The following IGDCC3 variants were observed in gnomAD, a reference collection of about 807,000 sequenced individuals.
The protein encoded by IGDCC3 is immunoglobulin superfamily DCC subclass member 3.
Under a neutral mutation model 72.0 loss-of-function variants are expected in IGDCC3, and 47 were observed. The observed-to-expected ratio is 0.65, with a 90% CI of 0.52 to 0.83. IGDCC3 has a LOEUF of 0.83. Ranked by LOEUF, IGDCC3 falls within the 40% of genes least tolerant of loss-of-function variation. The pLI is 0.00. For synonymous variants in IGDCC3, 477 were observed against 472.8 expected (o/e 1.01, Z -0.11); for missense variants, 1,038 against 1,091.3 (o/e 0.95, Z 0.69).
intron 2 of IGDCC3, among the ~76,000 whole-genome samples, chr15:65,370,875 C>T (rs893969821): frequency 3.3e-5 from 5 of 152,270 alleles, no homozygotes; most frequent in Non-Finnish European, 4.4e-5. Flanking sequence ...CCTCCTGCCT[C>T]AGCCTCTCAA....
intron 2 of IGDCC3, among the ~76,000 whole-genome samples, chr15:65,358,400 G>A (rs923329295): frequency 4.6e-5 from 7 of 151,996 alleles, no homozygotes; most frequent in South Asian, 2.1e-4. Context: ...GACACTGCAC[G>A]GAGCCCCAAA....
chr15:65,377,610 TCG>T lies in IGDCC3; in HGVS notation c.103+74_103+75del. The T allele has an allele frequency of 7.7e-7, 1 of 1,300,006 alleles. No individual in the cohort carries two copies. Among genetic ancestry groups the T allele is most frequent in the Non-Finnish European group, 9.8e-7 (1 of 1,022,132 alleles). The allele number at this position is 1,300,006 out of a possible 1,614,324, so 80.5% of individuals were successfully genotyped here. ...GCGCCGCTCTCCCCGGGTCCGCCCC[TCG>T]CGCCCGCTCCCTCCCTGCTCGCCCT... On this transcript the variant is annotated intron_variant, in intron 1 of 13. Coordinates refer to ENST00000327987, the MANE Select transcript of IGDCC3 (RefSeq NM_004884.4). This position sits in a 1 kb window ranked among gnomAD's most constrained non-coding sequence, Gnocchi z 4.9.
chr15:65,360,854 C>A (rs2091255651), intron 2 of IGDCC3, among the ~76,000 whole-genome samples: 1 of 152,138 alleles, frequency 6.6e-6, no homozygotes, highest in Admixed American at 6.5e-5. Flanking sequence ...CAGCTCACTG[C>A]AACCTCTGCC....
rs1357417634 is a variant in IGDCC3, at chr15:65,375,819, A to C, written c.104-417T>G. Among the ~76,000 whole-genome samples, 8 of 152,132 alleles carry C rather than the reference A, an allele frequency of 5.3e-5. No individual in the cohort carries two copies. In the East Asian group the frequency reaches 1.5e-3, roughly 29 times the overall value. On this transcript the variant is annotated intron_variant, in intron 1 of 13. Transcript: ENST00000327987. ...AAGCCTCACAGACCTTCAGGGTGTG[A>C]CCTTAGGTAAAGTATTCAACATGTC...
At chr15:65,367,054 A>G (rs945282234) in intron 2 of IGDCC3, among the ~76,000 whole-genome samples, 5 of 152,148 alleles carry the variant, frequency 3.3e-5, no homozygotes, top group Non-Finnish European at 7.4e-5. Flanking sequence ...TAAGAAAACT[A>G]TGGCCCAGGC....
At position 65,332,108 on chromosome 15, in the gene IGDCC3, T is replaced by C; in HGVS notation, c.983-2A>G. On this transcript the variant is annotated splice_acceptor_variant, in intron 6 of 13. Coordinates refer to ENST00000327987, the MANE Select transcript of IGDCC3 (RefSeq NM_004884.4). LOFTEE classifies it high-confidence loss of function. ...GATGCTGCACAAACTCAGCTGGGGC[T>C]GCGAGTAGAGTCAGGAGGGTGGGGG... The C allele has an allele frequency of 1.9e-6, 3 of 1,612,290 alleles. No individual in the cohort carries two copies. The highest frequency in any genetic ancestry group is 2.5e-6 in the Non-Finnish European group (3 of 1,179,100).
At position 65,375,272 on chromosome 15, in the gene IGDCC3, A is replaced by C. The variant is rs184315868; in HGVS notation, c.234T>G (p.Asn78Lys). The change falls in exon 2 of 14, where the codon AAT (asparagine) becomes AAG (lysine). Residue 78 changes from asparagine (N) to lysine (K), a missense_variant. By Grantham distance (94) the Asn-to-Lys change is moderately conservative (BLOSUM62 0). Coordinates refer to ENST00000327987, the MANE Select transcript of IGDCC3 (RefSeq NM_004884.4). Reference sequence around the variant, plus strand: ...GGGTACTCTCTGGCAGCTCTACCCCATTCTTCCTCCAGGTGATTCGCACTG... The same window carrying C: ...GGGTACTCTCTGGCAGCTCTACCCCCTTCTTCCTCCAGGTGATTCGCACTG... ...TPPVRITWRKNGVELPESTHS... is the reference protein window; with the variant it reads ...TPPVRITWRKKGVELPESTHS... The C allele has an allele frequency of 5.6e-6, 9 of 1,613,972 alleles. 1 individual carries two copies. The Admixed American group carries it at 1.5e-4, about 27-fold the overall frequency.
intron 3 of IGDCC3, 152 bp from the exon 4 acceptor site, chr15:65,335,573 A>C (rs1595751682): frequency 1.1e-6 from 1 of 925,526 alleles, no homozygotes; most frequent in Non-Finnish European, 1.7e-6. Context: ...AGGTGGACAC[A>C]CCCTCAATTC....
chr15:65,349,242 G>T (rs1177099917), intron 2 of IGDCC3, among the ~76,000 whole-genome samples: 1 of 151,984 alleles, frequency 6.6e-6, no homozygotes, highest in Non-Finnish European at 1.5e-5. Context: ...TTTTGCTCTG[G>T]CCAGAATGAA....
intron 2 of IGDCC3, among the ~76,000 whole-genome samples, chr15:65,366,764 G>A (rs191946915): frequency 2.1e-3 from 323 of 152,254 alleles, no homozygotes; most frequent in South Asian, 0.012. Context: ...CAGCTCCCCC[G>A]GCTTGCCACT....
chr15:65,374,878 A>G (rs914844057), intron 2 of IGDCC3, among the ~76,000 whole-genome samples: 14 of 152,316 alleles, frequency 9.2e-5, no homozygotes, highest in African/African-American at 3.4e-4. Context: ...GTGTTTGGCT[A>G]CATTCTTGTC....
chr15:65,347,787 C>T lies in IGDCC3; in HGVS notation c.410-11831G>A, dbSNP rs531600250. On this transcript the variant is annotated intron_variant, in intron 2 of 13. Transcript: ENST00000327987. ...CCTTACTAAAAATATAAAAATTAGCCGGGCATGGTGGCGTGTGCCTGTAAT... is the reference window on the plus strand; with the variant it reads ...CCTTACTAAAAATATAAAAATTAGCTGGGCATGGTGGCGTGTGCCTGTAAT... Among the ~76,000 whole-genome samples, 76 of 152,124 alleles carry T rather than the reference C, an allele frequency of 5.0e-4. 1 individual carries two copies. The Middle Eastern group carries it at 0.01, about 21-fold the overall frequency.
At chr15:65,374,630 A>G (rs2091346852) in intron 2 of IGDCC3, among the ~76,000 whole-genome samples, 1 of 152,206 alleles carries the variant, frequency 6.6e-6, no homozygotes, top group African/African-American at 2.4e-5. Context: ...ACTGGTATAT[A>G]GAGGTCTTAT....
intron 2 of IGDCC3, among the ~76,000 whole-genome samples, chr15:65,342,610 T>A (rs2091091887): frequency 6.6e-6 from 1 of 152,092 alleles, no homozygotes; most frequent in Non-Finnish European, 1.5e-5. Context: ...CCTTCTCTAC[T>A]GCTCATGGTC....
chr15:65,351,905 T>C (rs986001416), intron 2 of IGDCC3, among the ~76,000 whole-genome samples: 18 of 152,226 alleles, frequency 1.2e-4, no homozygotes, highest in Non-Finnish European at 2.5e-4. Flanking sequence ...CCTAAAACTT[T>C]TTATCATCCA....
At chr15:65,365,147 C>G (rs1263418087) in intron 2 of IGDCC3, among the ~76,000 whole-genome samples, 1 of 152,126 alleles carries the variant, frequency 6.6e-6, no homozygotes, top group East Asian at 1.9e-4. Flanking sequence ...CAAGGTTTTT[C>G]CCGAAGCTCT....
rs7174072 is a variant in IGDCC3 at position 65,327,818 on chromosome 15, C to T, written c.*1091G>A. The T allele has an allele frequency of 0.55, 83,213 of 151,860 alleles. 23,688 individuals carry two copies. The highest frequency in any genetic ancestry group is 0.85 in the East Asian group (4,375 of 5,152). 9.4% of individuals were successfully genotyped at this position (151,860 alleles called of 1,614,324 possible). A position where few individuals can be genotyped will look rare whatever the true frequency, so the allele number is the denominator to read the frequency against. On this transcript the variant is annotated 3_prime_UTR_variant, in exon 14 of 14. Coordinates refer to ENST00000327987, the MANE Select transcript of IGDCC3 (RefSeq NM_004884.4). Reference sequence around the variant, plus strand: ...ACCCACACCCCCTCACCCTCCCACACACCCATCCCACACATGGTACATTCC... The same window carrying T: ...ACCCACACCCCCTCACCCTCCCACATACCCATCCCACACATGGTACATTCC...
chr15:65,336,044 G>T, intron 2 of IGDCC3, 88 bp from the exon 3 acceptor site: 1 of 1,378,268 alleles, frequency 7.3e-7, no homozygotes, highest in Non-Finnish European at 1.0e-6. Context: ...CAGGCACGGA[G>T]ACCTGGAGCC....
chr15:65,361,801 G>A (rs1014592113), intron 2 of IGDCC3, among the ~76,000 whole-genome samples: 3 of 152,334 alleles, frequency 2.0e-5, no homozygotes, highest in South Asian at 2.1e-4. Flanking sequence ...TCCCACCGCC[G>A]TGCTGGGGTA....
Sources: gnomAD v4.1 joint callset for allele counts (sites outside exome capture counted in the v4.1 genomes callset) on GRCh38, gnomAD v4.1.1 for gene constraint, Gnocchi (gnomAD v3.1) non-coding constraint, MANE v1.5 for transcripts, NCBI Gene and HGNC (gene_info 2026-07-23, HGNC 2026-07-21) for gene names.